Variants in RASSF8 observed in about 807,000 individuals in gnomAD.
RASSF8 encodes the protein Ras association domain family member 8.
A neutral mutation model predicts 48.5 loss-of-function variants in RASSF8; 22 were observed. The observed-to-expected ratio is 0.45, with a 90% CI of 0.32 to 0.65. The LOEUF is 0.65. RASSF8 is among the 30% of genes least tolerant of loss of function. The pLI is 0.03. For synonymous variants in RASSF8, 127 were observed against 171.5 expected, an observed-to-expected ratio of 0.74 and a Z score of 2.03; for missense variants, 418 against 489.2, an observed-to-expected ratio of 0.85 and a Z score of 1.37.
chr12:25,978,176 A>C (rs1386611984), intron 1 of RASSF8, among the ~76,000 whole-genome samples: 1 of 152,212 alleles, frequency 6.6e-6, no homozygotes, highest in Non-Finnish European at 1.5e-5. Context: ...CATACAGTAC[A>C]TTCTAGCTGA....
chr12:25,981,032 A>G (rs1340698553), intron 1 of RASSF8, among the ~76,000 whole-genome samples: 1 of 152,104 alleles, frequency 6.6e-6, no homozygotes, highest in Admixed American at 6.5e-5. Context: ...TGCTTTATTA[A>G]AAGAGGGAAG....
At chr12:26,040,398 G>C (rs957887304) in intron 2 of RASSF8, among the ~76,000 whole-genome samples, 5 of 152,234 alleles carry the variant, frequency 3.3e-5, no homozygotes, top group African/African-American at 1.2e-4. Context: ...AGGTTACTGG[G>C]GGGTAATAGT....
intron 2 of RASSF8, among the ~76,000 whole-genome samples, chr12:26,045,626 A>G (rs543939855): frequency 1.1e-3 from 163 of 152,288 alleles, no homozygotes; most frequent in Non-Finnish European, 1.9e-3. Flanking sequence ...AAGTTTTCAC[A>G]TTTACTTTAT....
At chr12:25,962,060 AAAAAG>A (rs1276862649) in intron 1 of RASSF8, among the ~76,000 whole-genome samples, 1 of 152,200 alleles carries the variant, frequency 6.6e-6, no homozygotes, top group African/African-American at 2.4e-5. Flanking sequence ...GCCTGAAAAA[AAAAAG>A]AAAAAGTATT....
intron 2 of RASSF8, among the ~76,000 whole-genome samples, chr12:26,017,823 C>G (rs1942688062): frequency 6.6e-6 from 1 of 152,238 alleles, no homozygotes; most frequent in Non-Finnish European, 1.5e-5. Flanking sequence ...GGCAAAACTT[C>G]ACATGGAGTG....
intron 1 of RASSF8, among the ~76,000 whole-genome samples, chr12:25,960,669 A>C (rs926831134): frequency 3.3e-5 from 5 of 151,966 alleles, no homozygotes; most frequent in Admixed American, 2.6e-4. Flanking sequence ...CCCCTTCCTC[A>C]TTTTTTTCCT....
At chr12:26,024,813 C>T (rs981614922) in intron 2 of RASSF8, among the ~76,000 whole-genome samples, 6 of 151,908 alleles carry the variant, frequency 3.9e-5, no homozygotes, top group Non-Finnish European at 7.4e-5. Flanking sequence ...AAAAATTAGC[C>T]GGGCGTGGTG....
At position 25,988,621 on chromosome 12, in the gene RASSF8, AG is replaced by A. The variant is rs1300145805; in HGVS notation, c.-202-6412del. 1.1e-4 allele frequency among the ~76,000 whole-genome samples: 16 copies of A among 152,320 alleles called. 1 individual carries two copies. The highest frequency in any genetic ancestry group is 3.6e-4 in the African/African-American group (15 of 41,570). On this transcript the variant is annotated intron_variant, in intron 1 of 5. Coordinates refer to ENST00000689635, the MANE Select transcript of RASSF8 (RefSeq NM_001394098.1). The stretch of plus-strand genomic sequence containing the variant: ...CCCTCATGACTAAACAATCATTTGT[AG>A]GGGAGAAGAAGAGAGATTTGTATCA...
chr12:26,059,619 A>T (rs1442017969), intron 3 of RASSF8, among the ~76,000 whole-genome samples: 1 of 152,102 alleles, frequency 6.6e-6, no homozygotes, highest in Non-Finnish European at 1.5e-5. Flanking sequence ...CATTTACTGT[A>T]TTGTGAATTA....
intron 2 of RASSF8, among the ~76,000 whole-genome samples, chr12:26,045,864 T>C (rs1943361590): frequency 6.6e-6 from 1 of 152,256 alleles, no homozygotes; most frequent in South Asian, 2.1e-4. Context: ...AGATTCATTA[T>C]ACCTGAATGG....
rs1403981406 is a variant in RASSF8, at chr12:26,068,778, C to G, written c.1220C>G (p.Pro407Arg). ...LPSNLRILQN[P>R]ISSGFNPEGI... ...AGTAATCTCCGCATTCTGCAGAATC[C>G]TATCTCATCTGGTTTTAATCCTGAA... The change falls in exon 6 of 6, where the codon CCT becomes CGT. Residue 407 changes from proline (P) to arginine (R), a missense_variant. Physicochemically the swap from Pro to Arg is moderately radical, Grantham distance 103. Transcript: ENST00000689635. The G allele has an allele frequency of 6.5e-7, 1 of 1,537,198 alleles. No homozygotes were observed. Among genetic ancestry groups the G allele is most frequent in the Non-Finnish European group, 8.7e-7 (1 of 1,146,852 alleles).
At chr12:25,961,936 G>A (rs542621375) in intron 1 of RASSF8, among the ~76,000 whole-genome samples, 4 of 152,036 alleles carry the variant, frequency 2.6e-5, no homozygotes, top group African/African-American at 9.6e-5. Flanking sequence ...CTGATTTTCA[G>A]TCCCCACTAT....
intron 2 of RASSF8, among the ~76,000 whole-genome samples, chr12:26,039,932 C>G (rs959359947): frequency 2.0e-5 from 3 of 152,206 alleles, no homozygotes; most frequent in East Asian, 1.9e-4. Flanking sequence ...TTTGTCTTTT[C>G]TACATAATCA....
intron 2 of RASSF8, among the ~76,000 whole-genome samples, chr12:26,027,197 A>G (rs1250776782): frequency 1.3e-5 from 2 of 152,196 alleles, no homozygotes; most frequent in Admixed American, 6.5e-5. Context: ...TTTGATGGGA[A>G]ATGGGCAGTG....
intron 1 of RASSF8, among the ~76,000 whole-genome samples, chr12:25,985,634 C>A (rs947294399): frequency 2.6e-5 from 4 of 152,214 alleles, no homozygotes; most frequent in African/African-American, 7.2e-5. Flanking sequence ...TAGGTGTTTT[C>A]TCATAAAAAT....
chr12:26,070,645 G>T lies in RASSF8; in HGVS notation c.*1827G>T, dbSNP rs977242313. On this transcript the variant is annotated 3_prime_UTR_variant, in exon 6 of 6. Coordinates refer to ENST00000689635, the MANE Select transcript of RASSF8 (RefSeq NM_001394098.1). Reference sequence around the variant, plus strand: ...GATTAAAAAATAATTTATAGATTTTGTGACAGTAATGATTTACATATGCCC... The same window carrying T: ...GATTAAAAAATAATTTATAGATTTTTTGACAGTAATGATTTACATATGCCC... The T allele has an allele frequency of 1.3e-5, 12 of 949,068 alleles. No individual in the cohort carries two copies. The highest frequency in any genetic ancestry group is 1.4e-5 in the Non-Finnish European group (11 of 797,248). 58.8% of individuals were successfully genotyped at this position (949,068 alleles called of 1,614,324 possible).
chr12:26,043,177 C>T (rs530562124), intron 2 of RASSF8, among the ~76,000 whole-genome samples: 72 of 152,182 alleles, frequency 4.7e-4, no homozygotes, highest in Non-Finnish European at 8.5e-4. Context: ...CTACCTAATG[C>T]TTTGAAAGCA....
intron 2 of RASSF8, among the ~76,000 whole-genome samples, chr12:26,042,093 T>C (rs1338075934): frequency 2.0e-5 from 3 of 152,356 alleles, no homozygotes; most frequent in Non-Finnish European, 1.5e-5. Flanking sequence ...AATATAGTTA[T>C]AAATCAGAAA....
At chr12:26,022,974 C>T (rs1041913554) in intron 2 of RASSF8, among the ~76,000 whole-genome samples, 3 of 151,968 alleles carry the variant, frequency 2.0e-5, no homozygotes, top group African/African-American at 7.2e-5. Flanking sequence ...CTCAAACTCG[C>T]GACCTCAGGT....
Sources: allele counts gnomAD v4.1 joint callset (sites outside exome capture counted in the v4.1 genomes callset), GRCh38; gene constraint gnomAD v4.1.1; transcripts MANE v1.5; gene names NCBI Gene and HGNC (gene_info 2026-07-23, HGNC 2026-07-21).